The following GRM3 variants were observed in gnomAD, a reference collection of about 807,000 sequenced individuals.
GRM3 encodes metabotropic glutamate receptor 3.
In GRM3, 26 loss-of-function variants were observed where a neutral mutation model predicts 70.5. The observed-to-expected ratio is 0.37, with a 90% CI of 0.27 to 0.51. The LOEUF (loss-of-function observed/expected upper bound fraction) is 0.51, where lower values mean the gene tolerates loss of function less well. GRM3 is among the 20% of genes least tolerant of loss of function. The probability of loss-of-function intolerance (pLI) is 0.93; values close to 1 mark genes in which losing one functional copy is unlikely to be tolerated. For synonymous variants in GRM3, 443 were observed against 434.9 expected (o/e 1.02, Z -0.23); for missense variants, 859 against 1,123.8 (o/e 0.76, Z 3.37).
chr7:86,729,880 G>A (rs142328592), intron 1 of GRM3, among the ~76,000 whole-genome samples: 2,560 of 152,166 alleles, frequency 0.017, 67 homozygotes, highest in African/African-American at 0.058. Context: ...GGCTGAGGTG[G>A]GTGGATCATG....
chr7:86,850,405 G>C lies in GRM3; in HGVS notation c.2427G>C (p.Leu809=). The C allele has an allele frequency of 6.2e-7, 1 of 1,613,170 alleles. No individual in the cohort carries two copies. The highest frequency in any genetic ancestry group is 1.7e-5 in the Admixed American group (1 of 59,914). Reference sequence around the variant, plus strand: ...CAACCATGTGCATCTCTGTCAGCCTGAGTGGCTTTGTGGTCTTGGGCTGTT... The same window carrying C: ...CAACCATGTGCATCTCTGTCAGCCTCAGTGGCTTTGTGGTCTTGGGCTGTT... ...QTTTMCISVS[L]SGFVVLGCLF... Residue 809 remains leucine (L), a synonymous_variant, in exon 5 of 6, where the codon CTG becomes CTC. Coordinates refer to ENST00000361669, the MANE Select transcript of GRM3 (RefSeq NM_000840.3).
At chr7:86,806,281 G>A (rs911640588) in intron 3 of GRM3, among the ~76,000 whole-genome samples, 1 of 152,110 alleles carries the variant, frequency 6.6e-6, no homozygotes, top group Admixed American at 6.6e-5. Context: ...TGATGGCTGG[G>A]TCAAATGGTA....
chr7:86,737,701 T>C (rs1308509558), intron 1 of GRM3, among the ~76,000 whole-genome samples: 2 of 152,330 alleles, frequency 1.3e-5, no homozygotes, highest in East Asian at 1.9e-4. Context: ...CACATATCTC[T>C]GGAAATTTAT....
intron 3 of GRM3, among the ~76,000 whole-genome samples, chr7:86,831,954 T>G (rs1398080817): frequency 1.3e-5 from 2 of 152,182 alleles, no homozygotes; most frequent in African/African-American, 4.8e-5. Context: ...AGCTGATGAC[T>G]GTGAGAAAGG....
intron 1 of GRM3, among the ~76,000 whole-genome samples, chr7:86,704,454 A>G (rs1795013368): frequency 6.6e-6 from 1 of 151,944 alleles, no homozygotes. Flanking sequence ...CATTTTTACT[A>G]TGAACAAAAA....
intron 3 of GRM3, among the ~76,000 whole-genome samples, chr7:86,809,732 G>A (rs944401444): frequency 2.6e-5 from 4 of 152,014 alleles, no homozygotes; most frequent in South Asian, 4.1e-4. Flanking sequence ...TCCAACAAGC[G>A]CTAGTCTCCT....
chr7:86,671,101 G>A (rs184008355), intron 1 of GRM3, among the ~76,000 whole-genome samples: 183 of 152,306 alleles, frequency 1.2e-3, no homozygotes, highest in Non-Finnish European at 2.1e-3. Context: ...CACGATCTCC[G>A]CTCACTGCAA....
At chr7:86,680,196 A>T (rs1385083696) in intron 1 of GRM3, among the ~76,000 whole-genome samples, 1 of 152,168 alleles carries the variant, frequency 6.6e-6, no homozygotes, top group Non-Finnish European at 1.5e-5. Flanking sequence ...ACCACAAAGC[A>T]TGAGGATTAC....
intron 3 of GRM3, among the ~76,000 whole-genome samples, chr7:86,837,041 A>T (rs1203124825): frequency 6.6e-6 from 1 of 152,176 alleles, no homozygotes; most frequent in Non-Finnish European, 1.5e-5. Flanking sequence ...GGTAGAAAGG[A>T]GGTGGAGGTT....
rs190747586 is a variant in GRM3 at position 86,727,575 on chromosome 7, A to G, written c.-140-37431A>G. 3.0e-3 allele frequency among the ~76,000 whole-genome samples: 461 copies of G among 152,242 alleles called. 1 individual carries two copies. Among genetic ancestry groups the G allele is most frequent in the African/African-American group, 0.01 (436 of 41,564 alleles). ...TTCTTGAGGGCAGAAACCTTTTTTT[A>G]TCTTTATCCTTGTATGTTTAGTACA... On this transcript the variant is annotated intron_variant, in intron 1 of 5. Transcript: ENST00000361669.
chr7:86,746,971 G>T (rs1796118304), intron 1 of GRM3, among the ~76,000 whole-genome samples: 1 of 152,076 alleles, frequency 6.6e-6, no homozygotes, highest in Non-Finnish European at 1.5e-5. Context: ...AAGAGGATTT[G>T]GGAATCATAA....
intron 1 of GRM3, among the ~76,000 whole-genome samples, chr7:86,685,968 G>A (rs1054956766): frequency 3.3e-5 from 5 of 150,440 alleles, no homozygotes; most frequent in African/African-American, 1.2e-4. Context: ...AATTTAATGA[G>A]ATAATACAAT....
intron 1 of GRM3, among the ~76,000 whole-genome samples, chr7:86,724,443 T>A (rs1457251020): frequency 6.6e-6 from 1 of 152,166 alleles, no homozygotes; most frequent in East Asian, 1.9e-4. Context: ...AGGCCTGAAT[T>A]GAAGACTCAA....
In GRM3 at chr7:86,820,163, T is replaced by G. The variant is rs1211512077; in HGVS notation, c.1325-18676T>G. Reference sequence around the variant, plus strand: ...GGCAGCTTTTGATGTAGAGAAGGCATCTGGCTCATAGCATATAGAAAGGAT... The same window carrying G: ...GGCAGCTTTTGATGTAGAGAAGGCAGCTGGCTCATAGCATATAGAAAGGAT... On this transcript the variant is annotated intron_variant, in intron 3 of 5. Coordinates refer to ENST00000361669, the MANE Select transcript of GRM3 (RefSeq NM_000840.3). 2.0e-5 allele frequency among the ~76,000 whole-genome samples: 3 copies of G among 152,184 alleles called. No individual in the cohort carries two copies. The East Asian group carries it at 5.8e-4, about 29-fold the overall frequency.
chr7:86,791,816 G>A (rs1289353018), intron 3 of GRM3, among the ~76,000 whole-genome samples: 1 of 152,072 alleles, frequency 6.6e-6, no homozygotes, highest in Non-Finnish European at 1.5e-5. Context: ...CACAAAGGTG[G>A]TTCATCAAAC....
rs114913475 is a variant in GRM3 at position 86,798,596 on chromosome 7, A to G, written c.1324+11480A>G. On this transcript the variant is annotated intron_variant, in intron 3 of 5. Coordinates refer to ENST00000361669, the MANE Select transcript of GRM3 (RefSeq NM_000840.3). ...TGATTTTACAGGCTCATAGGCAAAG[A>G]CACTTGCCTTGTCTCAGATGAGACT... is the stretch of plus-strand genomic sequence containing the variant. Among the ~76,000 whole-genome samples the G allele has an allele frequency of 8.6e-3, 1,305 of 152,308 alleles. 13 individuals are homozygous for G. The highest frequency in any genetic ancestry group is 0.029 in the African/African-American group (1,224 of 41,560).
At chr7:86,840,274 G>A (rs975640850) in intron 4 of GRM3, among the ~76,000 whole-genome samples, 1 of 152,102 alleles carries the variant, frequency 6.6e-6, no homozygotes, top group Non-Finnish European at 1.5e-5. Context: ...ATCTATTTGA[G>A]AATACTTTAA....
chr7:86,670,112 G>A (rs1458458281), intron 1 of GRM3, among the ~76,000 whole-genome samples: 2 of 152,116 alleles, frequency 1.3e-5, no homozygotes, highest in Non-Finnish European at 2.9e-5. Flanking sequence ...TTTCCTTAAT[G>A]TAAGTATTTT....
At chr7:86,751,522 A>T (rs1796230407) in intron 1 of GRM3, among the ~76,000 whole-genome samples, 1 of 152,094 alleles carries the variant, frequency 6.6e-6, no homozygotes. Flanking sequence ...AACATAGTAA[A>T]ACCACAGTAT....
Sources: gnomAD v4.1 joint callset for allele counts (sites outside exome capture counted in the v4.1 genomes callset) on GRCh38, gnomAD v4.1.1 for gene constraint, MANE v1.5 for transcripts, NCBI Gene and HGNC (gene_info 2026-07-23, HGNC 2026-07-21) for gene names.